PLCE1: variants seen among roughly 807,000 people sequenced by gnomAD.
PLCE1 encodes phospholipase C epsilon 1.
Under a neutral mutation model 242.8 loss-of-function variants are expected in PLCE1, and 119 were observed. That is an observed-to-expected ratio of 0.49 (90% CI 0.42 to 0.57). PLCE1 has a LOEUF of 0.57. Ranked by LOEUF, PLCE1 falls within the 20% of genes least tolerant of loss-of-function variation. PLCE1 has a pLI of 0.00. For missense variants in PLCE1, 2,441 were observed against 2,788.8 expected (o/e 0.88, Z 2.81); for synonymous variants, 945 against 1,017.4 (o/e 0.93, Z 1.35).
At chr10:94,247,114 G>GAAA (rs398014491) in intron 8 of PLCE1, among the ~76,000 whole-genome samples, 16,021 of 100,012 alleles carry the variant, frequency 0.16, 1,303 homozygotes, top group East Asian at 0.36. Context: ...TCTGTCTCAG[G>GAAA]AAAAAAAAAA....
chr10:94,292,072 A>G lies in PLCE1; in HGVS notation c.5036-1436A>G, dbSNP rs570500322. On this transcript the variant is annotated intron_variant, in intron 22 of 32. Coordinates refer to ENST00000371380, the MANE Select transcript of PLCE1 (RefSeq NM_016341.4). ...CCCTCATCAGTTTTACTTGGGAGAA[A>G]ATCCATTATTAAGTAATTGTGTCAA... Among the ~76,000 whole-genome samples, 25 of 152,304 alleles carry G rather than the reference A, an allele frequency of 1.6e-4. No homozygotes were observed. The South Asian group carries it at 4.8e-3, about 29-fold the overall frequency.
At chr10:94,020,719 G>A (rs1468661571) in intron 1 of PLCE1, among the ~76,000 whole-genome samples, 5 of 151,876 alleles carry the variant, frequency 3.3e-5, no homozygotes. Context: ...TATGCTTGTA[G>A]GCTATTTGCA....
At chr10:94,242,776 A>G (rs1438829038) in intron 7 of PLCE1, among the ~76,000 whole-genome samples, 1 of 152,200 alleles carries the variant, frequency 6.6e-6, no homozygotes, top group Non-Finnish European at 1.5e-5. Context: ...TGAAAGGAAT[A>G]CAAGAACCAA....
At position 94,331,366 on chromosome 10, in the gene PLCE1, A is replaced by T. The variant is rs1564905815; in HGVS notation, c.*3423A>T. The T allele has an allele frequency of 6.6e-6, 1 of 152,318 alleles. No homozygotes were observed. The highest frequency in any genetic ancestry group is 2.1e-4 in the South Asian group (1 of 4,822). 9.4% of individuals were successfully genotyped at this position (152,318 alleles called of 1,614,324 possible). ...TCTTCTCTCCTCTTCCAATATCTCT[A>T]TAGACTTCTGTCCTCTGCCCAGAGA... is the stretch of plus-strand genomic sequence containing the variant. On this transcript the variant is annotated 3_prime_UTR_variant, in exon 33 of 33. Coordinates refer to ENST00000371380, the MANE Select transcript of PLCE1 (RefSeq NM_016341.4).
chr10:94,304,754 C>T (rs1371308180), intron 25 of PLCE1, 109 bp downstream of exon 25: 4 of 1,057,980 alleles, frequency 3.8e-6, no homozygotes, highest in Non-Finnish European at 5.8e-6. Flanking sequence ...CAATTTGGGT[C>T]ATACAGATTT....
intron 2 of PLCE1, among the ~76,000 whole-genome samples, chr10:94,051,284 C>T (rs1183165635): frequency 2.6e-5 from 1 of 38,002 alleles, no homozygotes; most frequent in African/African-American, 2.5e-4. Flanking sequence ...GAGACTCCAA[C>T]TCAAAAAAAA....
chr10:94,244,325 A>G (rs539239589), intron 7 of PLCE1, among the ~76,000 whole-genome samples: 6 of 152,284 alleles, frequency 3.9e-5, no homozygotes, highest in Non-Finnish European at 8.8e-5. Context: ...GGACCAGCCT[A>G]TGTACCAGCT....
chr10:94,125,746 A>T (rs1382813441), intron 2 of PLCE1, among the ~76,000 whole-genome samples: 1 of 152,190 alleles, frequency 6.6e-6, no homozygotes, highest in Non-Finnish European at 1.5e-5. Context: ...ATGCCATCAG[A>T]TCTTAGAACC....
Position 94,298,806 on chromosome 10 carries a change from A to C in PLCE1, c.5458+137A>C. On this transcript the variant is annotated intron_variant, in intron 24 of 32. Coordinates refer to ENST00000371380, the MANE Select transcript of PLCE1 (RefSeq NM_016341.4). The surrounding 1 kb of genome is among the most constrained non-coding windows in gnomAD (Gnocchi z 5.2). ...GAGAGTAAAAATATGATGATGGAAA[A>C]CAGAAGTGAATTTGATACTGAATTG... 1.1e-6 allele frequency: 1 copy of C among 900,710 alleles called. No homozygotes were observed. The highest frequency in any genetic ancestry group is 1.8e-6 in the Non-Finnish European group (1 of 554,012). 55.8% of individuals were successfully genotyped at this position (900,710 alleles called of 1,614,324 possible).
chr10:94,276,058 A>T (rs531114202), intron 19 of PLCE1, among the ~76,000 whole-genome samples: 1 of 152,138 alleles, frequency 6.6e-6, no homozygotes, highest in East Asian at 1.9e-4. Flanking sequence ...TTCTTTGTGA[A>T]TTTTGTTTCT....
At chr10:94,255,411 G>C (rs981834669) in intron 11 of PLCE1, among the ~76,000 whole-genome samples, 2 of 152,138 alleles carry the variant, frequency 1.3e-5, no homozygotes, top group African/African-American at 4.8e-5. Flanking sequence ...CATTTCAAGT[G>C]CTCCATAGCC....
intron 1 of PLCE1, among the ~76,000 whole-genome samples, chr10:94,011,785 T>C (rs2061173477): frequency 6.6e-6 from 1 of 152,056 alleles, no homozygotes; most frequent in East Asian, 1.9e-4. Flanking sequence ...TCTATGTGCA[T>C]GGGATTGAGG....
intron 4 of PLCE1, among the ~76,000 whole-genome samples, chr10:94,205,236 G>A (rs2049119924): frequency 6.6e-6 from 1 of 152,134 alleles, no homozygotes; most frequent in Non-Finnish European, 1.5e-5. Flanking sequence ...ACTCTCACCT[G>A]TCTACCTGCA....
intron 2 of PLCE1, among the ~76,000 whole-genome samples, chr10:94,130,554 C>G (rs2046568371): frequency 6.6e-6 from 1 of 152,176 alleles, no homozygotes; most frequent in Admixed American, 6.5e-5. Flanking sequence ...GACCAGCTCT[C>G]TATCTGGTGA....
chr10:94,286,214 G>A (rs182615285), intron 22 of PLCE1, among the ~76,000 whole-genome samples: 10 of 152,322 alleles, frequency 6.6e-5, no homozygotes, highest in African/African-American at 2.4e-4. Context: ...TTGGCCTGGA[G>A]AGAGGCACTA....
intron 2 of PLCE1, among the ~76,000 whole-genome samples, chr10:94,083,095 G>T (rs1292567727): frequency 6.6e-6 from 1 of 152,182 alleles, no homozygotes; most frequent in African/African-American, 2.4e-5. Context: ...GAATCACAGA[G>T]AATTGGAGTT....
At chr10:94,237,798 G>A (rs1448479119) in intron 7 of PLCE1, among the ~76,000 whole-genome samples, 2 of 152,164 alleles carry the variant, frequency 1.3e-5, no homozygotes, top group Non-Finnish European at 2.9e-5. Flanking sequence ...TGGGACTTGG[G>A]AATCCATTCC....
intron 4 of PLCE1, among the ~76,000 whole-genome samples, chr10:94,181,143 C>G (rs1290276807): frequency 6.6e-6 from 1 of 152,218 alleles, no homozygotes; most frequent in Non-Finnish European, 1.5e-5. Flanking sequence ...CTTCCTTGAA[C>G]AGTAGTTCTC....
At chr10:94,228,411 G>C (rs1175088880) in intron 5 of PLCE1, among the ~76,000 whole-genome samples, 2 of 152,172 alleles carry the variant, frequency 1.3e-5, no homozygotes, top group African/African-American at 4.8e-5. Context: ...CAGTTACTTT[G>C]TCTGCAAAAT....
Sources: gnomAD v4.1 joint callset for allele counts (sites outside exome capture counted in the v4.1 genomes callset) on GRCh38, gnomAD v4.1.1 for gene constraint, Gnocchi (gnomAD v3.1) non-coding constraint, MANE v1.5 for transcripts, NCBI Gene and HGNC (gene_info 2026-07-23, HGNC 2026-07-21) for gene names.